STAT2: variants seen among roughly 807,000 people sequenced by gnomAD.
STAT2 encodes signal transducer and activator of transcription 2.
In STAT2, 51 loss-of-function variants were observed where a neutral mutation model predicts 122.3. The ratio of observed to expected loss-of-function variants is 0.42; its 90% confidence interval spans 0.33 to 0.53. The LOEUF is 0.53. Ranked by LOEUF, STAT2 falls within the 20% of genes least tolerant of loss-of-function variation. STAT2 has a pLI of 0.10. For missense variants in STAT2, 736 were observed against 1,010.3 expected (o/e 0.73, Z 3.68); for synonymous variants, 351 against 394.9 (o/e 0.89, Z 1.32).
In STAT2 at chr12:56,356,152, T is replaced by C; in HGVS notation, c.265A>G (p.Lys89Glu). ...AGTACCTGAATGTCCCGGCAGAATT[T>C]CCGCAAATTGTGCTGCAGCAACAAG... ...ESLLLQHNLR[K>E]FCRDIQPFSQ... The change falls in exon 3 of 24, where the codon AAA (lysine) becomes GAA (glutamate). Residue 89 changes from lysine (K) to glutamate (E), a missense_variant. Lys to Glu is a moderately conservative substitution (Grantham distance 56). Transcript: ENST00000314128. 3.1e-6 allele frequency: 5 copies of C among 1,614,110 alleles called. No homozygotes were observed. Among genetic ancestry groups the C allele is most frequent in the Non-Finnish European group, 4.2e-6 (5 of 1,179,984 alleles).
Position 56,342,296 on chromosome 12 carries a change from CAAAA to C in STAT2, c.*1089_*1092del, listed in dbSNP as rs535939207. On this transcript the variant is annotated 3_prime_UTR_variant, in exon 24 of 24. Coordinates refer to ENST00000314128, the MANE Select transcript of STAT2 (RefSeq NM_005419.4). ...GGACAACAAGAGAGAAACTCCATCT[CAAAA>C]AAAAAAAAAAAAAAATCCTGGCCAA... 2.8e-5 allele frequency: 2 copies of C among 72,586 alleles called. No homozygotes were observed. The highest frequency in any genetic ancestry group is 3.0e-5 in the Non-Finnish European group (1 of 33,654). The allele number at this position is 72,586 out of a possible 1,614,324, so 4.5% of individuals were successfully genotyped here.
chr12:56,354,305 G>A (rs1410665843), intron 8 of STAT2, 161 bp downstream of exon 8: 3 of 1,062,356 alleles, frequency 2.8e-6, no homozygotes, highest in Middle Eastern at 3.2e-4. Context: ...TCCCTGCGTG[G>A]TGAGGATGAG....
intron 22 of STAT2, 71 bp from the exon 23 acceptor site, chr12:56,344,206 C>G: frequency 6.7e-7 from 1 of 1,491,876 alleles, no homozygotes; most frequent in Non-Finnish European, 9.0e-7. Flanking sequence ...GTAGAATAAG[C>G]AGAAGCTAGT....
At chr12:56,351,702 T>C (rs967729107) in intron 8 of STAT2, among the ~76,000 whole-genome samples, 2 of 152,232 alleles carry the variant, frequency 1.3e-5, no homozygotes, top group South Asian at 2.1e-4. Flanking sequence ...GTACAACTTA[T>C]ATTAAGCCCT....
At position 56,356,127 on chromosome 12, in the gene STAT2, A is replaced by G. The variant is rs79264292; in HGVS notation, c.285+5T>C. On this transcript the variant is annotated splice_donor_5th_base_variant and intron_variant, in intron 3 of 23. Transcript: ENST00000314128. ...TACCCCATCACTCCCAACCGTTCCAAGTACCTGAATGTCCCGGCAGAATTT... is the reference window on the plus strand; with the variant it reads ...TACCCCATCACTCCCAACCGTTCCAGGTACCTGAATGTCCCGGCAGAATTT... 457 of 1,613,270 alleles carry G rather than the reference A, an allele frequency of 2.8e-4. 1 individual carries two copies. In the African/African-American group the frequency reaches 5.7e-3, roughly 20 times the overall value.
In STAT2 at chr12:56,356,132, C is replaced by T; in HGVS notation, c.285G>A (p.Gln95=). The T allele has an allele frequency of 6.2e-7, 1 of 1,613,522 alleles. No individual in the cohort carries two copies. The highest frequency in any genetic ancestry group is 8.5e-7 in the Non-Finnish European group (1 of 1,179,644). The part of the protein sequence containing the change: ...HNLRKFCRDI[Q]PFSQDPTQLA... ...CATCACTCCCAACCGTTCCAAGTAC[C>T]TGAATGTCCCGGCAGAATTTCCGCA... The change falls in exon 3 of 24, where the codon CAG becomes CAA. Residue 95 remains glutamine (Q), a splice_region_variant and synonymous_variant. Coordinates refer to ENST00000314128, the MANE Select transcript of STAT2 (RefSeq NM_005419.4).
chr12:56,347,750 C>T (rs1877724159), intron 19 of STAT2, among the ~76,000 whole-genome samples: 1 of 152,176 alleles, frequency 6.6e-6, no homozygotes, highest in Non-Finnish European at 1.5e-5. Context: ...GATCCACCCA[C>T]CTCGGCCTCC....
Position 56,354,772 on chromosome 12 carries a change from T to G in STAT2, c.633+6A>C, listed in dbSNP as rs1397725346. Reference sequence around the variant, plus strand: ...TTGCCCACATGTTCTGTCCTCTGTCTCCCACCTTTCTCCTTTTGTCCAGTT... The same window carrying G: ...TTGCCCACATGTTCTGTCCTCTGTCGCCCACCTTTCTCCTTTTGTCCAGTT... On this transcript the variant is annotated splice_donor_region_variant and intron_variant, in intron 7 of 23. Transcript: ENST00000314128. 7 of 1,614,076 alleles carry G rather than the reference T, an allele frequency of 4.3e-6. No homozygotes were observed. The highest frequency in any genetic ancestry group is 5.1e-6 in the Non-Finnish European group (6 of 1,180,032).
chr12:56,356,974 T>G (rs1181307208), intron 1 of STAT2, among the ~76,000 whole-genome samples: 1 of 150,182 alleles, frequency 6.7e-6, no homozygotes, highest in African/African-American at 2.4e-5. Flanking sequence ...AAGGAAATGC[T>G]CACTGGAGCA....
At chr12:56,355,675 G>A in intron 4 of STAT2, 33 bp downstream of exon 4, 1 of 1,607,088 alleles carries the variant, frequency 6.2e-7, no homozygotes, top group East Asian at 2.2e-5. Context: ...TCTACTTCAG[G>A]AGTTTCCAAC....
In STAT2 at chr12:56,355,456, C is replaced by T. The variant is rs755691354; in HGVS notation, c.458G>A (p.Arg153Lys). 2.5e-6 allele frequency: 4 copies of T among 1,614,046 alleles called. No homozygotes were observed. In the African/African-American group the frequency reaches 5.3e-5, roughly 22 times the overall value. The change falls in exon 5 of 24, where the codon AGG becomes AAG. Residue 153 changes from arginine (R) to lysine (K), a missense_variant. Physicochemically the swap from Arg to Lys is conservative, Grantham distance 26. Coordinates refer to ENST00000314128, the MANE Select transcript of STAT2 (RefSeq NM_005419.4). Reference protein sequence around the residue: ...HEIESRILDLRAMMEKLVKSI... With the variant: ...HEIESRILDLKAMMEKLVKSI... ...ACATCTACTAACCTCCATCATAGCC[C>T]TTAAATCCAGGATCCGGGATTCAAT...
At chr12:56,358,242 C>T (rs200622536) in intron 1 of STAT2, among the ~76,000 whole-genome samples, 6,429 of 132,232 alleles carry the variant, frequency 0.049, 195 homozygotes, top group Non-Finnish European at 0.073. Context: ...TTTTTTTTTT[C>T]TTTTTTTTTT....
rs142832877 is a variant in STAT2, at chr12:56,355,799, A to G, written c.290T>C (p.Phe97Ser). ...LRKFCRDIQP[F>S]SQDPTQLAEM... ...AGCCAACTGGGTAGGATCCTGGGAA[A>G]AGGGCTAGAATAGGTAAACAGAAAG... The change falls in exon 4 of 24, where the codon TTT becomes TCT. Residue 97 changes from phenylalanine (F) to serine (S), a missense_variant. Coordinates refer to ENST00000314128, the MANE Select transcript of STAT2 (RefSeq NM_005419.4). The G allele has an allele frequency of 9.9e-6, 16 of 1,613,980 alleles. No homozygotes were observed. The highest frequency in any genetic ancestry group is 1.3e-5 in the African/African-American group (1 of 75,032).
chr12:56,354,016 A>AAAAAAATAT (rs71081350), intron 8 of STAT2, among the ~76,000 whole-genome samples: 3 of 16,692 alleles, frequency 1.8e-4, no homozygotes, highest in African/African-American at 3.3e-4. Context: ...AAAAAAAAAA[A>AAAAAAATAT]ATATATATAT....
rs748314373 is a variant in STAT2 at position 56,349,229 on chromosome 12, G to A, written c.1374C>T (p.Asn458=). The A allele has an allele frequency of 6.2e-6, 10 of 1,614,118 alleles. No individual in the cohort carries two copies. In the East Asian group the frequency reaches 1.3e-4, roughly 22 times the overall value. Residue 458 remains asparagine, a synonymous_variant, in exon 16 of 24, where the codon AAC becomes AAT. Transcript: ENST00000314128. ...CCCAGGCAATTGAGAGCTGGTTCAT[G>A]TTGGAAATAATCACCACAGGGAGGG... ...TDTLPVVIIS[N]MNQLSIAWAS...
intron 11 of STAT2, 73 bp from the exon 12 acceptor site, chr12:56,350,505 A>G: frequency 2.8e-6 from 4 of 1,436,588 alleles, no homozygotes. Context: ...CTTTGGGATC[A>G]GACAGACCTC....
At chr12:56,352,725 G>A (rs1333932703) in intron 8 of STAT2, among the ~76,000 whole-genome samples, 1 of 150,880 alleles carries the variant, frequency 6.6e-6, no homozygotes, top group Non-Finnish European at 1.5e-5. Flanking sequence ...TTTAAGAGGT[G>A]AGGGTCTTGC....
In STAT2 at chr12:56,344,065, G is replaced by A. The variant is rs543232865; in HGVS notation, c.2173C>T (p.Leu725=). The A allele has an allele frequency of 6.2e-7, 1 of 1,606,748 alleles. No homozygotes were observed. Among genetic ancestry groups the A allele is most frequent in the Non-Finnish European group, 8.5e-7 (1 of 1,175,986 alleles). ...AGCTCTGGCTCTGGCACCAGCCCTA[G>A]TTCCAGCTCTAATGACTCCAGCTCT... ...EPELESLELE[L]GLVPEPELSL... The change falls in exon 23 of 24, where the codon CTA becomes TTA. Residue 725 remains leucine, a synonymous_variant. Coordinates refer to ENST00000314128, the MANE Select transcript of STAT2 (RefSeq NM_005419.4).
rs1555170176 is a variant in STAT2 at position 56,348,745 on chromosome 12, G to A, written c.1629+7C>T. On this transcript the variant is annotated splice_region_variant and intron_variant, in intron 18 of 23. Coordinates refer to ENST00000314128, the MANE Select transcript of STAT2 (RefSeq NM_005419.4). ...ATCCAGCAGCTCCACAGGATTCAGG[G>A]AGTTACCTTAGTGAAGTCAGCCCAG... 6.2e-7 allele frequency: 1 copy of A among 1,614,180 alleles called. No individual in the cohort carries two copies. Among genetic ancestry groups the A allele is most frequent in the Non-Finnish European group, 8.5e-7 (1 of 1,180,040 alleles).
Sources: gnomAD v4.1 joint callset for allele counts (sites outside exome capture counted in the v4.1 genomes callset) on GRCh38, gnomAD v4.1.1 for gene constraint, MANE v1.5 for transcripts, NCBI Gene and HGNC (gene_info 2026-07-23, HGNC 2026-07-21) for gene names.